Variants in LIPC observed in about 807,000 individuals in gnomAD.
LIPC encodes the protein hepatic triacylglycerol lipase.
In LIPC, 44 loss-of-function variants were observed where a neutral mutation model predicts 50.7. The observed-to-expected ratio is 0.87, with a 90% CI of 0.68 to 1.11. The LOEUF (loss-of-function observed/expected upper bound fraction) is 1.11, where lower values mean the gene tolerates loss of function less well. LIPC is among the 50% of genes most tolerant of loss of function. The pLI is 0.00. For missense variants in LIPC, 697 were observed against 648.2 expected, an observed-to-expected ratio of 1.08 and a Z score of -0.82; for synonymous variants, 271 against 256.4, an observed-to-expected ratio of 1.06 and a Z score of -0.54.
At chr15:58,541,742 G>A in intron 2 of LIPC, 43 bp from the exon 3 acceptor site, 3 of 1,591,684 alleles carry the variant, frequency 1.9e-6, no homozygotes, top group South Asian at 1.1e-5. Flanking sequence ...GGTGAGCGGG[G>A]AGAAAGGAAA....
chr15:58,485,613 G>A (rs755361098), intron 1 of LIPC, among the ~76,000 whole-genome samples: 9 of 152,166 alleles, frequency 5.9e-5, no homozygotes, highest in African/African-American at 1.9e-4. Flanking sequence ...CACATCACAC[G>A]CTGACACTGG....
intron 1 of LIPC, among the ~76,000 whole-genome samples, chr15:58,447,809 G>T (rs1429107693): frequency 1.3e-5 from 2 of 152,170 alleles, no homozygotes; most frequent in Non-Finnish European, 2.9e-5. Context: ...GAGAAGCGAA[G>T]TTCTAAAGGT....
chr15:58,436,777 G>A (rs781677455), intron 1 of LIPC: 1 of 456,166 alleles, frequency 2.2e-6, no homozygotes, highest in Non-Finnish European at 4.4e-6. Flanking sequence ...TCTTGGAGGA[G>A]GCGGCATTTG....
intron 1 of LIPC, among the ~76,000 whole-genome samples, chr15:58,439,200 T>A (rs1186446017): frequency 6.6e-6 from 1 of 152,192 alleles, no homozygotes; most frequent in Non-Finnish European, 1.5e-5. Flanking sequence ...AAAATACATG[T>A]GTTTGAGAAA....
intron 1 of LIPC, among the ~76,000 whole-genome samples, chr15:58,462,829 G>C (rs891401450): frequency 6.6e-6 from 1 of 152,196 alleles, no homozygotes; most frequent in Non-Finnish European, 1.5e-5. Flanking sequence ...AGAGGGGGCA[G>C]GCCTGAAGAA....
chr15:58,487,495 G>A (rs1448486545), intron 1 of LIPC, among the ~76,000 whole-genome samples: 2 of 152,214 alleles, frequency 1.3e-5, no homozygotes, highest in African/African-American at 4.8e-5. Flanking sequence ...GGTTGCTGAA[G>A]CAATAGACGG....
rs10631480 is a variant in LIPC at position 58,520,112 on chromosome 15, G to GTTTTTTTTTTTTTTT, written c.89-18211_89-18210insTTTTTTTTTTTTTTT. On this transcript the variant is annotated intron_variant, in intron 1 of 8. Transcript: ENST00000299022. Reference sequence around the variant, plus strand: ...TTTTCGGCACCTCAGGTTTTGGGCTGTTTTTTTTTTGTTTTTTTTTTAATC... The same window carrying GTTTTTTTTTTTTTTT: ...TTTTCGGCACCTCAGGTTTTGGGCTGTTTTTTTTTTTTTTTTTTTTTTTTTGTTTTTTTTTTAATC... 1.6e-5 allele frequency among the ~76,000 whole-genome samples: 2 copies of GTTTTTTTTTTTTTTT among 123,538 alleles called. 1 individual carries two copies. The highest frequency in any genetic ancestry group is 3.3e-5 in the Non-Finnish European group (2 of 60,222). 81.0% of individuals were successfully genotyped at this position (123,538 alleles called of 152,430 possible). A position where few individuals can be genotyped will look rare whatever the true frequency, so the allele number is the denominator to read the frequency against.
intron 8 of LIPC, among the ~76,000 whole-genome samples, chr15:58,568,168 A>G (rs2053940): frequency 0.99 from 150,093 of 152,330 alleles, 73,990 homozygotes; most frequent in Middle Eastern, 1. Flanking sequence ...AACACATAGT[A>G]GTGTCCTCTT....
intron 1 of LIPC, among the ~76,000 whole-genome samples, chr15:58,439,118 C>T (rs765270033): frequency 4.6e-5 from 7 of 152,060 alleles, no homozygotes; most frequent in Non-Finnish European, 1.0e-4. Context: ...TAGGTGGCGA[C>T]GCTGAGTAGT....
At chr15:58,534,621 T>G (rs1332331518) in intron 1 of LIPC, among the ~76,000 whole-genome samples, 1 of 152,166 alleles carries the variant, frequency 6.6e-6, no homozygotes, top group Non-Finnish European at 1.5e-5. Flanking sequence ...ACCTCCTTTT[T>G]CAATAACACA....
At chr15:58,493,746 A>T (rs973604615) in intron 1 of LIPC, among the ~76,000 whole-genome samples, 27 of 148,530 alleles carry the variant, frequency 1.8e-4, no homozygotes, top group African/African-American at 6.3e-4. Flanking sequence ...TTAAATGTTA[A>T]TATATCTATA....
chr15:58,466,490 T>C (rs1894569350), intron 1 of LIPC, among the ~76,000 whole-genome samples: 1 of 152,256 alleles, frequency 6.6e-6, no homozygotes, highest in African/African-American at 2.4e-5. Flanking sequence ...CATCAATAGA[T>C]CACATGATCT....
At chr15:58,468,114 G>C (rs1166499080) in intron 1 of LIPC, among the ~76,000 whole-genome samples, 3 of 152,110 alleles carry the variant, frequency 2.0e-5, no homozygotes, top group Admixed American at 6.5e-5. Flanking sequence ...CAATGCTTGG[G>C]GAAAGGCAAA....
intron 3 of LIPC, among the ~76,000 whole-genome samples, 162 bp from the exon 4 acceptor site, chr15:58,542,372 G>T (rs569559609): frequency 5.3e-5 from 8 of 152,308 alleles, no homozygotes; most frequent in African/African-American, 1.9e-4. Flanking sequence ...AGTCCCAGGA[G>T]AGTCAGCCAG....
At chr15:58,521,705 TG>T in intron 1 of LIPC, 2 of 148,190 alleles carry the variant, frequency 1.3e-5, no homozygotes, top group Non-Finnish European at 3.0e-5. Context: ...GATGACTCAG[TG>T]GGGGGTGAGC....
Position 58,568,879 on chromosome 15 carries a change from G to A in LIPC, c.*52G>A, listed in dbSNP as rs1400434266. ...ATAAATGAATCTTACTCCTTATCTG[G>A]AATGGCTGCCTTATTTAGAAGCCAA... is the stretch of plus-strand genomic sequence containing the variant. On this transcript the variant is annotated 3_prime_UTR_variant, in exon 9 of 9. Coordinates refer to ENST00000299022, the MANE Select transcript of LIPC (RefSeq NM_000236.3). The A allele has an allele frequency of 9.3e-7, 1 of 1,071,044 alleles. No homozygotes were observed. Among genetic ancestry groups the A allele is most frequent in the Non-Finnish European group, 1.4e-6 (1 of 725,908 alleles). 66.3% of individuals were successfully genotyped at this position (1,071,044 alleles called of 1,614,324 possible).
intron 2 of LIPC, among the ~76,000 whole-genome samples, chr15:58,539,539 T>G (rs142201645): frequency 6.6e-6 from 1 of 152,234 alleles, no homozygotes; most frequent in East Asian, 1.9e-4. Flanking sequence ...CACCCATGAT[T>G]TCAAGCATAG....
intron 1 of LIPC, among the ~76,000 whole-genome samples, chr15:58,484,279 T>A (rs1330571431): frequency 3.3e-5 from 5 of 152,204 alleles, no homozygotes; most frequent in Non-Finnish European, 5.9e-5. Flanking sequence ...TAATCCACTG[T>A]GTGCTAGGCA....
chr15:58,562,709 C>G (rs1894206078), intron 7 of LIPC, among the ~76,000 whole-genome samples: 1 of 152,126 alleles, frequency 6.6e-6, no homozygotes, highest in African/African-American at 2.4e-5. Flanking sequence ...ACAGAGGACC[C>G]TAGCCTCTGG....
Sources: allele counts gnomAD v4.1 joint callset (sites outside exome capture counted in the v4.1 genomes callset), GRCh38; gene constraint gnomAD v4.1.1; transcripts MANE v1.5; gene names NCBI Gene and HGNC (gene_info 2026-07-23, HGNC 2026-07-21).